MAOA: variants seen among roughly 807,000 people sequenced by gnomAD.
MAOA encodes the protein monoamine oxidase A, also known as amine oxidase [flavin-containing] A.
Under a neutral mutation model 42.0 loss-of-function variants are expected in MAOA, and 6 were observed. The observed-to-expected ratio is 0.14, with a 90% confidence interval of 0.08 to 0.28. MAOA has a LOEUF of 0.28. Ranked by LOEUF, MAOA falls within the 10% of genes least tolerant of loss-of-function variation. The pLI, the probability that MAOA is intolerant of heterozygous loss-of-function variation, is 1.00. For synonymous variants in MAOA, 140 were observed against 154.0 expected (o/e 0.91, Z 0.67); for missense variants, 262 against 422.3 (o/e 0.62, Z 3.33).
At chrX:43,736,181 A>T in intron 9 of MAOA, 46 bp from the exon 10 acceptor site, 1 of 1,027,505 alleles carries the variant, frequency 9.7e-7, no homozygotes. Context: ...CAGCTCTTAA[A>T]ATAAACAGCT....
chrX:43,726,480 T>G (rs902108438), intron 5 of MAOA, among the ~76,000 whole-genome samples: 20 of 112,328 alleles, frequency 1.8e-4, no homozygotes, highest in African/African-American at 6.5e-4. Flanking sequence ...TTGAAACTTG[T>G]GTCTGCTTCA....
At chrX:43,699,988 G>C (rs1470822109) in intron 3 of MAOA, among the ~76,000 whole-genome samples, 4 of 112,403 alleles carry the variant, frequency 3.6e-5, no homozygotes, top group Non-Finnish European at 5.6e-5. Context: ...TTCAAAGAAA[G>C]ATACATTTTC....
chrX:43,744,438 G>A lies in MAOA; in HGVS notation c.1509G>A (p.Lys503=), dbSNP rs1284675925. 17 of 1,209,122 alleles carry A rather than the reference G, an allele frequency of 1.4e-5. No homozygotes were observed. Among genetic ancestry groups the A allele is most frequent in the Non-Finnish European group, 1.7e-5 (15 of 893,372 alleles). The stretch of plus-strand genomic sequence containing the variant: ...TGCCCTCTGTTTCTGGCCTGCTGAA[G>A]ATCATTGGATTTTCCACATCAGTAA... ...RNLPSVSGLL[K]IIGFSTSVTA... Residue 503 remains lysine (K), a synonymous_variant, in exon 15 of 15, where the codon AAG becomes AAA. Transcript: ENST00000338702.
At chrX:43,657,903 C>G (rs2033197977) in intron 1 of MAOA, 1 of 753,403 alleles carries the variant, frequency 1.3e-6, no homozygotes, top group South Asian at 6.8e-5. Context: ...TTTGCCAGTT[C>G]CAGCCAGTAC....
rs1365218953 is a variant in MAOA, at chrX:43,718,911, G to A, written c.503+6115G>A. Among the ~76,000 whole-genome samples the A allele has an allele frequency of 7.0e-4, 78 of 110,959 alleles. 4 individuals carry two copies. On this transcript the variant is annotated intron_variant, in intron 5 of 14. Coordinates refer to ENST00000338702, the MANE Select transcript of MAOA (RefSeq NM_000240.4). Reference sequence around the variant, plus strand: ...CTTCCATCCACGACCCAGAGGAGAGGGAGTAGACAGGAAGTGTGGAAGATG... The same window carrying A: ...CTTCCATCCACGACCCAGAGGAGAGAGAGTAGACAGGAAGTGTGGAAGATG...
Position 43,745,694 on chromosome X carries a change from A to T in MAOA, c.*1181A>T, listed in dbSNP as rs1358712665. On this transcript the variant is annotated 3_prime_UTR_variant, in exon 15 of 15. Transcript: ENST00000338702. The stretch of plus-strand genomic sequence containing the variant: ...ATGAAATTGAGTCATTTTATATATG[A>T]AAACTAAGTTCTCTATCTTAGGAGT... The T allele has an allele frequency of 3.6e-5, 4 of 111,734 alleles. No homozygotes were observed. Among genetic ancestry groups the T allele is most frequent in the Admixed American group, 1.9e-4 (2 of 10,499 alleles). 9.2% of individuals were successfully genotyped at this position (111,734 alleles called of 1,213,427 possible).
At chrX:43,683,419 A>G (rs2033459293) in intron 1 of MAOA, 94 bp from the exon 2 acceptor site, 4 of 642,612 alleles carry the variant, frequency 6.2e-6, no homozygotes, top group Non-Finnish European at 5.2e-6. Flanking sequence ...TGGATTGTAT[A>G]TGATACCCTG....
rs1367347134 is a variant in MAOA at position 43,745,174 on chromosome X, T to C, written c.*661T>C. 1 of 114,442 alleles carries C rather than the reference T, an allele frequency of 8.7e-6. No homozygotes were observed. Among genetic ancestry groups the C allele is most frequent in the Admixed American group, 9.0e-5 (1 of 11,168 alleles). The allele number at this position is 114,442 out of a possible 1,213,427, so 9.4% of individuals were successfully genotyped here. ...TAGTCTCAGTGCTAGCTTATTTGTA[T>C]TTTTCCTCTTTCACTTCTTATGGAG... On this transcript the variant is annotated 3_prime_UTR_variant, in exon 15 of 15. Transcript: ENST00000338702.
At chrX:43,689,456 A>C (rs893894433) in intron 2 of MAOA, among the ~76,000 whole-genome samples, 1 of 110,940 alleles carries the variant, frequency 9.0e-6, no homozygotes. Flanking sequence ...CTTGTTCAGA[A>C]GTTATATAGT....
At chrX:43,727,801 G>A (rs1027415448) in intron 5 of MAOA, among the ~76,000 whole-genome samples, 4 of 112,025 alleles carry the variant, frequency 3.6e-5, no homozygotes, top group Non-Finnish European at 1.9e-5. Context: ...GCCCTGCTTC[G>A]GCTTGCCCTC....
chrX:43,729,525 A>G (rs2033863800), intron 6 of MAOA, among the ~76,000 whole-genome samples: 1 of 112,463 alleles, frequency 8.9e-6, no homozygotes, highest in African/African-American at 3.2e-5. Flanking sequence ...TTTCCACCAC[A>G]CTAAAACTCA....
At chrX:43,683,940 C>T (rs997800232) in intron 2 of MAOA, among the ~76,000 whole-genome samples, 17 of 82,421 alleles carry the variant, frequency 2.1e-4, no homozygotes, top group Non-Finnish European at 3.1e-4. Context: ...AGTGACTATA[C>T]ACCCGCAATA....
intron 5 of MAOA, among the ~76,000 whole-genome samples, chrX:43,716,370 A>T (rs1306003004): frequency 9.0e-6 from 1 of 111,494 alleles, no homozygotes; most frequent in Non-Finnish European, 1.9e-5. Context: ...TTGAGGAAGG[A>T]GGGGAATGAT....
intron 1 of MAOA, among the ~76,000 whole-genome samples, chrX:43,676,350 C>T (rs1008464779): frequency 8.9e-6 from 1 of 111,833 alleles, no homozygotes; most frequent in African/African-American, 3.2e-5. Context: ...CGTCTGTCAC[C>T]CCTTTCTTTG....
chrX:43,663,352 A>G (rs2033250717), intron 1 of MAOA, among the ~76,000 whole-genome samples: 1 of 111,881 alleles, frequency 8.9e-6, no homozygotes, highest in Non-Finnish European at 1.9e-5. Flanking sequence ...AGCACACTCA[A>G]TAACAATATT....
At chrX:43,736,362 G>A (rs1412490686) in intron 10 of MAOA, 82 bp downstream of exon 10, 1 of 599,770 alleles carries the variant, frequency 1.7e-6, no homozygotes, top group Non-Finnish European at 2.7e-6. Flanking sequence ...AATAACATGA[G>A]GAAAAACACA....
At chrX:43,714,713 G>T (rs1490128393) in intron 5 of MAOA, among the ~76,000 whole-genome samples, 1 of 103,598 alleles carries the variant, frequency 9.7e-6, no homozygotes, top group Non-Finnish European at 2.0e-5. Context: ...TCCCTGTGGG[G>T]GTATGGTATC....
intron 1 of MAOA, among the ~76,000 whole-genome samples, chrX:43,674,842 G>A (rs1285878565): frequency 1.4e-4 from 15 of 110,204 alleles, no homozygotes; most frequent in African/African-American, 4.9e-4. Context: ...GCTTCCCTTT[G>A]TGGGTAACCC....
rs2033996609 is a variant in MAOA at position 43,746,023 on chromosome X, A to AT, written c.*1513dup. 9.0e-6 allele frequency: 1 copy of AT among 111,649 alleles called. No individual in the cohort carries two copies. The highest frequency in any genetic ancestry group is 9.5e-5 in the Admixed American group (1 of 10,492). 9.2% of individuals were successfully genotyped at this position (111,649 alleles called of 1,213,427 possible). The stretch of plus-strand genomic sequence containing the variant: ...TGCTCTTTACCTTGCATTTTAGCTA[A>AT]TTTAGGAGTTTTGAGAATGTATTGG... On this transcript the variant is annotated 3_prime_UTR_variant, in exon 15 of 15. Coordinates refer to ENST00000338702, the MANE Select transcript of MAOA (RefSeq NM_000240.4).
Sources: gnomAD v4.1 joint callset for allele counts (sites outside exome capture counted in the v4.1 genomes callset) on GRCh38, gnomAD v4.1.1 for gene constraint, MANE v1.5 for transcripts, NCBI Gene and HGNC (gene_info 2026-07-23, HGNC 2026-07-21) for gene names.